The following MGAT5 variants were observed in gnomAD, a reference collection of about 807,000 sequenced individuals.
The protein encoded by MGAT5 is alpha-1,6-mannosylglycoprotein 6-beta-N-acetylglucosaminyltransferase A.
MGAT5 carries 30 observed loss-of-function variants against 94.3 expected under a neutral mutation model. That is an observed-to-expected ratio of 0.32 (90% CI 0.24 to 0.43). The LOEUF (loss-of-function observed/expected upper bound fraction) is 0.43, where lower values mean the gene tolerates loss of function less well. Among genes scored for constraint, MGAT5 ranks in the 20% least tolerant of loss-of-function variants. The pLI is 1.00. For missense variants in MGAT5, 691 were observed against 905.5 expected (o/e 0.76, Z 3.04); for synonymous variants, 310 against 322.9 (o/e 0.96, Z 0.43).
intron 10 of MGAT5, among the ~76,000 whole-genome samples, chr2:134,385,379 G>A (rs977668440): frequency 6.6e-6 from 1 of 152,138 alleles, no homozygotes; most frequent in Non-Finnish European, 1.5e-5. Context: ...TATCAAATAA[G>A]CATTAAAAAT....
At chr2:134,283,337 A>G (rs1271696209) in intron 2 of MGAT5, among the ~76,000 whole-genome samples, 2 of 152,194 alleles carry the variant, frequency 1.3e-5, no homozygotes, top group Admixed American at 6.5e-5. Context: ...CTGTTGCTAT[A>G]ATTAACAAAA....
intron 1 of MGAT5, among the ~76,000 whole-genome samples, chr2:134,190,926 A>T (rs559122067): frequency 6.6e-6 from 1 of 152,044 alleles, no homozygotes; most frequent in Non-Finnish European, 1.5e-5. Context: ...TGGGATTACA[A>T]GTGTGAGCCA....
chr2:134,430,528 A>G (rs980472503), intron 14 of MGAT5, among the ~76,000 whole-genome samples: 36 of 152,142 alleles, frequency 2.4e-4, no homozygotes, highest in African/African-American at 8.2e-4. Flanking sequence ...TGAAGGAAGG[A>G]AGGGAGGAAG....
In MGAT5 at chr2:134,386,436, A is replaced by C. The variant is rs80020021; in HGVS notation, c.1381-16552A>C. Among the ~76,000 whole-genome samples the C allele has an allele frequency of 4.6e-5, 7 of 152,364 alleles. No individual in the cohort carries two copies. In the East Asian group the frequency reaches 1.3e-3, roughly 29 times the overall value. On this transcript the variant is annotated intron_variant, in intron 10 of 15. Coordinates refer to ENST00000281923, the MANE Select transcript of MGAT5 (RefSeq NM_002410.5). ...ACCGTAAAATAAAAAAATCTCTTAA[A>C]GAATTTCCTTTTTCTCTTAAAATAG...
At chr2:134,171,043 T>A (rs1327883009) in intron 1 of MGAT5, among the ~76,000 whole-genome samples, 3 of 152,086 alleles carry the variant, frequency 2.0e-5, no homozygotes, top group Admixed American at 6.5e-5. Flanking sequence ...GTATTTTTAG[T>A]AGAGATAGGG....
intron 1 of MGAT5, among the ~76,000 whole-genome samples, chr2:134,261,505 C>T (rs570733505): frequency 4.6e-4 from 70 of 152,190 alleles, no homozygotes; most frequent in Non-Finnish European, 7.8e-4. Context: ...TGCTCTCCCC[C>T]ACCCCTTCCT....
At chr2:134,207,976 CTT>C (rs553262896) in intron 1 of MGAT5, among the ~76,000 whole-genome samples, 39 of 152,304 alleles carry the variant, frequency 2.6e-4, no homozygotes, top group Admixed American at 5.9e-4. Context: ...GGTGAAAAGA[CTT>C]TGCGTTCTAC....
intron 1 of MGAT5, among the ~76,000 whole-genome samples, chr2:134,265,091 T>G (rs1683626566): frequency 1.3e-5 from 2 of 152,142 alleles, no homozygotes; most frequent in Admixed American, 1.3e-4. Context: ...ACAAAGTGAG[T>G]CTGATGCACA....
intron 1 of MGAT5, among the ~76,000 whole-genome samples, chr2:134,163,339 A>G (rs948404596): frequency 6.6e-6 from 1 of 152,104 alleles, no homozygotes; most frequent in African/African-American, 2.4e-5. Flanking sequence ...GCTTTTAGTG[A>G]GTAGGGGCTG....
At position 134,268,624 on chromosome 2, in the gene MGAT5, C is replaced by G. The variant is rs940254123; in HGVS notation, c.242-1762C>G. On this transcript the variant is annotated intron_variant, in intron 1 of 15. Coordinates refer to ENST00000281923, the MANE Select transcript of MGAT5 (RefSeq NM_002410.5). The surrounding 1 kb of genome is among the most constrained non-coding windows in gnomAD (Gnocchi z 4.1). The stretch of plus-strand genomic sequence containing the variant: ...CTTTGCATCACCTGAGGAGAGAGTT[C>G]TTTGGGAAGGATGAGAACATTTTCC... 5.3e-5 allele frequency among the ~76,000 whole-genome samples: 8 copies of G among 152,190 alleles called. No individual in the cohort carries two copies. The highest frequency in any genetic ancestry group is 3.3e-4 in the Admixed American group (5 of 15,274).
intron 1 of MGAT5, among the ~76,000 whole-genome samples, chr2:134,270,105 A>G (rs897608361): frequency 3.3e-5 from 5 of 152,364 alleles, no homozygotes; most frequent in Middle Eastern, 3.4e-3. Flanking sequence ...CTATAGCAGG[A>G]TGCTAAATAA....
intron 10 of MGAT5, among the ~76,000 whole-genome samples, chr2:134,384,241 C>A (rs1375456346): frequency 2.7e-5 from 4 of 147,878 alleles, no homozygotes; most frequent in African/African-American, 9.9e-5. Flanking sequence ...TCATCATCCT[C>A]TCATCCAGAT....
At chr2:134,361,028 C>T (rs1006175260) in intron 9 of MGAT5, among the ~76,000 whole-genome samples, 3 of 152,324 alleles carry the variant, frequency 2.0e-5, no homozygotes, top group Non-Finnish European at 2.9e-5. Context: ...TGTTCCCCTG[C>T]GTGCATGGCG....
At chr2:134,305,834 T>C (rs1022162848) in intron 2 of MGAT5, among the ~76,000 whole-genome samples, 2 of 152,198 alleles carry the variant, frequency 1.3e-5, no homozygotes, top group Non-Finnish European at 2.9e-5. Flanking sequence ...CTATTTTGTT[T>C]ATTGGAAAAG....
chr2:134,450,413 A>C lies in MGAT5; in HGVS notation c.*1566A>C, dbSNP rs1477905691. Reference sequence around the variant, plus strand: ...CAAGGCGTAATGGCTGGTAGCTTTCAGAATGTGAGGGAAAGGAAGAATTCC... The same window carrying C: ...CAAGGCGTAATGGCTGGTAGCTTTCCGAATGTGAGGGAAAGGAAGAATTCC... On this transcript the variant is annotated 3_prime_UTR_variant, in exon 16 of 16. Coordinates refer to ENST00000281923, the MANE Select transcript of MGAT5 (RefSeq NM_002410.5). 6.6e-6 allele frequency: 1 copy of C among 152,232 alleles called. No homozygotes were observed. Among genetic ancestry groups the C allele is most frequent in the Non-Finnish European group, 1.5e-5 (1 of 68,066 alleles). 9.4% of individuals were successfully genotyped at this position (152,232 alleles called of 1,614,324 possible). A position where few individuals can be genotyped will look rare whatever the true frequency, so the allele number is the denominator to read the frequency against.
intron 3 of MGAT5, 80 bp from the exon 4 acceptor site, chr2:134,318,570 C>G: frequency 9.6e-7 from 1 of 1,042,032 alleles, no homozygotes; most frequent in Non-Finnish European, 1.5e-6. Flanking sequence ...TCCATCTTCA[C>G]CATTCTATCC....
At chr2:134,308,451 A>G (rs1686459792) in intron 2 of MGAT5, among the ~76,000 whole-genome samples, 1 of 152,196 alleles carries the variant, frequency 6.6e-6, no homozygotes, top group Non-Finnish European at 1.5e-5. Context: ...TTGCTGGCTC[A>G]TCGCATGTCC....
intron 10 of MGAT5, among the ~76,000 whole-genome samples, chr2:134,368,656 A>C (rs963228465): frequency 6.6e-6 from 1 of 152,186 alleles, no homozygotes; most frequent in Non-Finnish European, 1.5e-5. Flanking sequence ...ATGCAAACTG[A>C]ATCGTGCTAC....
At chr2:134,336,380 A>G in intron 5 of MGAT5, 92 bp downstream of exon 5, 1 of 1,058,874 alleles carries the variant, frequency 9.4e-7, no homozygotes, top group Non-Finnish European at 1.4e-6. Flanking sequence ...GCCAACTATA[A>G]CCTGAAATAG....
Sources: gnomAD v4.1 joint callset for allele counts (sites outside exome capture counted in the v4.1 genomes callset) on GRCh38, gnomAD v4.1.1 for gene constraint, Gnocchi (gnomAD v3.1) non-coding constraint, MANE v1.5 for transcripts, NCBI Gene and HGNC (gene_info 2026-07-23, HGNC 2026-07-21) for gene names.